Variants in PTPRM observed in about 807,000 individuals in gnomAD.
The protein encoded by PTPRM is protein tyrosine phosphatase receptor type M, also known as receptor-type tyrosine-protein phosphatase mu.
PTPRM carries 47 observed loss-of-function variants against 186.7 expected under a neutral mutation model. The observed-to-expected ratio is 0.25, with a 90% confidence interval of 0.20 to 0.32. The LOEUF (loss-of-function observed/expected upper bound fraction) is 0.32. Among genes scored for constraint, PTPRM ranks in the 10% least tolerant of loss-of-function variants. The probability of loss-of-function intolerance (pLI) is 1.00; values close to 1 mark genes in which losing one functional copy is unlikely to be tolerated. For synonymous variants in PTPRM, 668 were observed against 674.9 expected, an observed-to-expected ratio of 0.99 and a Z score of 0.16; for missense variants, 1,494 against 1,865.0, an observed-to-expected ratio of 0.80 and a Z score of 3.66.
At chr18:8,022,038 C>A (rs1483356061) in intron 7 of PTPRM, among the ~76,000 whole-genome samples, 1 of 151,944 alleles carries the variant, frequency 6.6e-6, no homozygotes, top group Admixed American at 6.6e-5. Flanking sequence ...AAATAAAATT[C>A]AATAATGAAA....
chr18:8,240,618 G>GGAGAGAGA (rs372227037), intron 14 of PTPRM, among the ~76,000 whole-genome samples: 23 of 34,814 alleles, frequency 6.6e-4, no homozygotes, highest in African/African-American at 3.6e-3. Context: ...AGAGAGGGAG[G>GGAGAGAGA]GAGAGAGAGA....
chr18:7,945,247 A>G (rs1289803740), intron 5 of PTPRM, among the ~76,000 whole-genome samples: 1 of 151,018 alleles, frequency 6.6e-6, no homozygotes, highest in Non-Finnish European at 1.5e-5. Flanking sequence ...AGGTCAGGAG[A>G]TTGAGACCAT....
At position 8,318,840 on chromosome 18, in the gene PTPRM, A is replaced by G. The variant is rs2148061703; in HGVS notation, c.2920-338A>G. Among the ~76,000 whole-genome samples, 3 of 152,380 alleles carry G rather than the reference A, an allele frequency of 2.0e-5. 1 individual carries two copies. The Middle Eastern group carries it at 0.01, about 518-fold the overall frequency. On this transcript the variant is annotated intron_variant, in intron 21 of 32. Transcript: ENST00000580170. ...CAATGACATCCCAAACACAAATGAA[A>G]TTCTGTTGCAAATTCTCAGTTTGTT...
chr18:7,801,524 C>CT (rs1229898975), intron 2 of PTPRM, among the ~76,000 whole-genome samples: 2 of 151,500 alleles, frequency 1.3e-5, no homozygotes, highest in Admixed American at 6.6e-5. Flanking sequence ...GGCTGTTTCA[C>CT]TTTTTTTTTC....
intron 23 of PTPRM, among the ~76,000 whole-genome samples, chr18:8,369,516 T>C (rs767833950): frequency 6.6e-6 from 1 of 152,152 alleles, no homozygotes; most frequent in Non-Finnish European, 1.5e-5. Flanking sequence ...CGAGAAGGAA[T>C]GGGTTGGTTA....
chr18:8,377,205 T>G (rs1381481290), intron 26 of PTPRM: 1 of 152,264 alleles, frequency 6.6e-6, no homozygotes, highest in African/African-American at 2.4e-5. Flanking sequence ...ATTTGATTGT[T>G]TTAAGTAGGC....
intron 7 of PTPRM, among the ~76,000 whole-genome samples, chr18:7,986,819 G>A (rs919767184): frequency 6.6e-6 from 1 of 152,112 alleles, no homozygotes; most frequent in African/African-American, 2.4e-5. Context: ...ACTATATTTG[G>A]ATAGGGTCTT....
chr18:7,704,096 C>T lies in PTPRM; in HGVS notation c.74-70053C>T, dbSNP rs564266383. On this transcript the variant is annotated intron_variant, in intron 1 of 32. Transcript: ENST00000580170. ...TCGTCAGTATTTTATTGAGGATTTTCGCATCGACGTTCATCAGGCATATTG... is the reference window on the plus strand; with the variant it reads ...TCGTCAGTATTTTATTGAGGATTTTTGCATCGACGTTCATCAGGCATATTG... Among the ~76,000 whole-genome samples, 25 of 152,174 alleles carry T rather than the reference C, an allele frequency of 1.6e-4. No individual in the cohort carries two copies. In the South Asian group the frequency reaches 3.3e-3, roughly 20 times the overall value.
At chr18:7,673,187 A>G (rs1487548225) in intron 1 of PTPRM, among the ~76,000 whole-genome samples, 3 of 152,212 alleles carry the variant, frequency 2.0e-5, no homozygotes, top group Non-Finnish European at 4.4e-5. Context: ...GGTTGTCTCC[A>G]CTGCAGCATG....
intron 7 of PTPRM, among the ~76,000 whole-genome samples, chr18:7,975,496 A>G (rs1283091839): frequency 1.3e-5 from 2 of 152,228 alleles, no homozygotes; most frequent in Non-Finnish European, 2.9e-5. Flanking sequence ...AAAGATGCCA[A>G]TATGGTAATG....
chr18:8,178,041 G>T (rs116584817), intron 14 of PTPRM, among the ~76,000 whole-genome samples: 1,983 of 152,292 alleles, frequency 0.013, 41 homozygotes, highest in African/African-American at 0.045. Flanking sequence ...TTGCCTCTTA[G>T]TGTGCATGCT....
intron 2 of PTPRM, among the ~76,000 whole-genome samples, chr18:7,873,917 C>A (rs1296996102): frequency 6.6e-6 from 1 of 152,136 alleles, no homozygotes; most frequent in Non-Finnish European, 1.5e-5. Context: ...GTAGGACTCT[C>A]TTCTGTAGAA....
intron 32 of PTPRM, among the ~76,000 whole-genome samples, chr18:8,398,531 C>T (rs921224108): frequency 2.0e-5 from 3 of 151,996 alleles, no homozygotes; most frequent in South Asian, 2.1e-4. Context: ...TTAGGGAGGC[C>T]GAGGTGGGCA....
At chr18:8,228,597 C>T (rs2094244318) in intron 14 of PTPRM, among the ~76,000 whole-genome samples, 6 of 151,196 alleles carry the variant, frequency 4.0e-5, no homozygotes, top group Admixed American at 3.3e-4. Flanking sequence ...AATCCCAGCA[C>T]TTTGGGAGGC....
chr18:7,661,981 A>G (rs1168306753), intron 1 of PTPRM, among the ~76,000 whole-genome samples: 8 of 152,194 alleles, frequency 5.3e-5, no homozygotes, highest in Admixed American at 5.2e-4. Flanking sequence ...GCAGTGGTAC[A>G]ATCACAGCTC....
chr18:7,874,398 T>C (rs1371543822), intron 2 of PTPRM, among the ~76,000 whole-genome samples: 1 of 152,208 alleles, frequency 6.6e-6, no homozygotes, highest in African/African-American at 2.4e-5. Context: ...AATTTAGCTA[T>C]CTTGTTTTTA....
intron 14 of PTPRM, among the ~76,000 whole-genome samples, chr18:8,163,576 C>T (rs2093269714): frequency 6.6e-6 from 1 of 152,160 alleles, no homozygotes; most frequent in African/African-American, 2.4e-5. Context: ...TGTTCTTATC[C>T]TGTGTACCTT....
At chr18:7,744,632 A>C (rs1170434623) in intron 1 of PTPRM, among the ~76,000 whole-genome samples, 1 of 152,100 alleles carries the variant, frequency 6.6e-6, no homozygotes, top group African/African-American at 2.4e-5. Flanking sequence ...ATAAATACAT[A>C]TGTATTGAGT....
In PTPRM at chr18:7,831,557, A is replaced by G. The variant is rs752365823; in HGVS notation, c.197-56549A>G. 5.9e-5 allele frequency among the ~76,000 whole-genome samples: 9 copies of G among 152,200 alleles called. 1 individual carries two copies. The highest frequency in any genetic ancestry group is 2.9e-5 in the Non-Finnish European group (2 of 68,032). On this transcript the variant is annotated intron_variant, in intron 2 of 32. Transcript: ENST00000580170. ...AGGTGTTTTGACAGAGATGAAGTGC[A>G]TAACAACCACATCATGAAAAGGGGT...
Sources: allele counts gnomAD v4.1 joint callset (sites outside exome capture counted in the v4.1 genomes callset), GRCh38; gene constraint gnomAD v4.1.1; transcripts MANE v1.5; gene names NCBI Gene and HGNC (gene_info 2026-07-23, HGNC 2026-07-21).